RBFOX1: variants seen among roughly 807,000 people sequenced by gnomAD.
RBFOX1 encodes RNA binding protein fox-1 homolog 1.
In RBFOX1, 8 loss-of-function variants were observed where a neutral mutation model predicts 57.7. The ratio of observed to expected loss-of-function variants is 0.14; its 90% CI spans 0.08 to 0.25. RBFOX1 has a LOEUF of 0.25. Among genes scored for constraint, RBFOX1 ranks in the 10% least tolerant of loss-of-function variants. The probability of loss-of-function intolerance (pLI) is 1.00; values close to 1 mark genes in which losing one functional copy is unlikely to be tolerated. For synonymous variants in RBFOX1, 326 were observed against 222.4 expected (o/e 1.47, Z -4.15); for missense variants, 611 against 548.5 (o/e 1.11, Z -1.14).
intron 4 of RBFOX1, among the ~76,000 whole-genome samples, chr16:7,089,367 T>C (rs941690737): frequency 1.3e-5 from 2 of 152,096 alleles, no homozygotes; most frequent in African/African-American, 4.8e-5. Context: ...GTTGAAGCAA[T>C]TAAAATTTTG....
chr16:6,784,182 T>A (rs774930025), intron 3 of RBFOX1, among the ~76,000 whole-genome samples: 32 of 152,126 alleles, frequency 2.1e-4, no homozygotes, highest in Non-Finnish European at 3.8e-4. Context: ...AAGTTGTCTG[T>A]TATTTTTTTG....
At chr16:6,044,896 C>A (rs1389656403) in intron 1 of RBFOX1, among the ~76,000 whole-genome samples, 2 of 152,150 alleles carry the variant, frequency 1.3e-5, no homozygotes, top group African/African-American at 4.8e-5. Flanking sequence ...ATGAGAGTTC[C>A]CTCTGCATAC....
At chr16:6,741,001 G>A (rs926337438) in intron 3 of RBFOX1, among the ~76,000 whole-genome samples, 1 of 152,076 alleles carries the variant, frequency 6.6e-6, no homozygotes, top group East Asian at 1.9e-4. Context: ...ATCGCTATGT[G>A]GTATTTGCTT....
At chr16:5,769,375 T>C (rs530083120) in intron 3 of RBFOX1, among the ~76,000 whole-genome samples, 59 of 151,696 alleles carry the variant, frequency 3.9e-4, no homozygotes, top group African/African-American at 1.4e-3. Flanking sequence ...GTGCAGTGGC[T>C]CGCACCTATA....
chr16:7,333,195 C>A, intron 4 of RBFOX1: 3 of 1,018,948 alleles, frequency 2.9e-6, no homozygotes, highest in Admixed American at 1.9e-5. Flanking sequence ...AGGAAAAAGC[C>A]CTCGCGTAGT....
rs2152717436 is a variant in RBFOX1 at position 6,289,371 on chromosome 16, C to A, written c.-126-27624C>A. Among the ~76,000 whole-genome samples, 3 of 152,184 alleles carry A rather than the reference C, an allele frequency of 2.0e-5. 1 individual carries two copies. In the East Asian group the frequency reaches 5.8e-4, roughly 30 times the overall value. ...GATGCAAAGTATAATGCCCTTCCCT[C>A]CCAAAAGTGTACCCTTTGCAGAATC... On this transcript the variant is annotated intron_variant, in intron 1 of 15. Transcript: ENST00000550418.
rs1402419760 is a variant in RBFOX1 at position 5,856,529 on chromosome 16, A to ATGTGTG, written c.319-10773_319-10772insGTGTGT. Among the ~76,000 whole-genome samples the ATGTGTG allele has an allele frequency of 1.2e-3, 66 of 55,554 alleles. 11 individuals carry two copies. In the Middle Eastern group the frequency reaches 0.028, roughly 24 times the overall value. The allele number at this position is 55,554 out of a possible 152,430, so 36.4% of individuals were successfully genotyped here. A position where few individuals can be genotyped will look rare whatever the true frequency, so the allele number is the denominator to read the frequency against. On this transcript the variant is annotated intron_variant, in intron 3 of 19. Transcript: ENST00000641259. ...ATTTTGACCAACATCTCTCATTCAT[A>ATGTGTG]TATGTGTATGTGTGTGTGTGTGTGT...
chr16:6,622,986 G>C (rs1282536196), intron 2 of RBFOX1, among the ~76,000 whole-genome samples: 1 of 152,194 alleles, frequency 6.6e-6, no homozygotes, highest in East Asian at 1.9e-4. Flanking sequence ...GGCAATTAAA[G>C]ATTAGCTATT....
chr16:6,483,481 A>G (rs1366392046), intron 2 of RBFOX1: 3 of 1,535,528 alleles, frequency 2.0e-6, no homozygotes, highest in Non-Finnish European at 2.6e-6. Flanking sequence ...AGGAAACAGG[A>G]GGCACTTTGC....
At position 6,871,619 on chromosome 16, in the gene RBFOX1, G is replaced by C. The variant is rs148848963; in HGVS notation, c.-15-180438G>C. Among the ~76,000 whole-genome samples, 960 of 152,118 alleles carry C rather than the reference G, an allele frequency of 6.3e-3. 22 individuals are homozygous for C. The highest frequency in any genetic ancestry group is 0.022 in the African/African-American group (907 of 41,494). ...TTCTCCTTCTATTCTCCTGGCCAAA[G>C]CCACTCTTCCCTCCTGCCTGGAGTG... On this transcript the variant is annotated intron_variant, in intron 3 of 15. Coordinates refer to ENST00000550418, the MANE Select transcript of RBFOX1 (RefSeq NM_018723.4).
intron 4 of RBFOX1, among the ~76,000 whole-genome samples, chr16:7,139,493 C>T (rs752704919): frequency 6.6e-6 from 1 of 151,980 alleles, no homozygotes; most frequent in Non-Finnish European, 1.5e-5. Flanking sequence ...ACTAAATAGC[C>T]CCAGATAGTT....
chr16:7,235,161 T>A (rs906417095), intron 4 of RBFOX1, among the ~76,000 whole-genome samples: 1 of 152,232 alleles, frequency 6.6e-6, no homozygotes, highest in South Asian at 2.1e-4. Flanking sequence ...TAAACATTCA[T>A]TTGGCATCAT....
intron 4 of RBFOX1, among the ~76,000 whole-genome samples, chr16:7,082,291 A>C (rs1326925138): frequency 1.3e-5 from 2 of 152,042 alleles, no homozygotes; most frequent in Non-Finnish European, 2.9e-5. Context: ...TATTAAATGA[A>C]GGTTCCAGGC....
chr16:7,054,213 C>G lies in RBFOX1; in HGVS notation c.27+2115C>G, dbSNP rs1182793948. Among the ~76,000 whole-genome samples the G allele has an allele frequency of 2.1e-3, 37 of 17,828 alleles. 1 individual carries two copies. The highest frequency in any genetic ancestry group is 0.016 in the African/African-American group (35 of 2,170). 11.7% of individuals were successfully genotyped at this position (17,828 alleles called of 152,430 possible). A position where few individuals can be genotyped will look rare whatever the true frequency, so the allele number is the denominator to read the frequency against. ...CCCTTATTAAGGTGATTTTTTTTTT[C>G]GGGGGGGGGGGGCGGGGAGCTTTTT... On this transcript the variant is annotated intron_variant, in intron 4 of 15. Transcript: ENST00000550418.
chr16:7,420,882 A>AATAT (rs149189616), intron 4 of RBFOX1, among the ~76,000 whole-genome samples: 2 of 145,492 alleles, frequency 1.4e-5, no homozygotes, highest in African/African-American at 2.5e-5. Flanking sequence ...TATCTTTTAA[A>AATAT]ATATATATAT....
intron 2 of RBFOX1, among the ~76,000 whole-genome samples, chr16:6,535,348 G>A (rs1290406542): frequency 6.6e-6 from 1 of 152,200 alleles, no homozygotes; most frequent in Non-Finnish European, 1.5e-5. Flanking sequence ...CTCTGGGTAT[G>A]AGGTCAGTGT....
chr16:7,637,153 CCA>C (rs746345284), intron 11 of RBFOX1, among the ~76,000 whole-genome samples: 2 of 152,026 alleles, frequency 1.3e-5, no homozygotes, highest in Non-Finnish European at 2.9e-5. Context: ...AGCGCGTTTT[CCA>C]CAGTTCCATG....
intron 3 of RBFOX1, among the ~76,000 whole-genome samples, chr16:6,886,328 C>T (rs1284395825): frequency 2.0e-5 from 3 of 152,040 alleles, no homozygotes; most frequent in African/African-American, 4.8e-5. Context: ...TCCCAAAGTG[C>T]TGGGATTACT....
intron 4 of RBFOX1, among the ~76,000 whole-genome samples, chr16:7,484,397 G>T (rs556691539): frequency 6.6e-6 from 1 of 152,102 alleles, no homozygotes. Flanking sequence ...AACATTCTAG[G>T]ATACCATTAT....
Sources: allele counts gnomAD v4.1 joint callset (sites outside exome capture counted in the v4.1 genomes callset), GRCh38; gene constraint gnomAD v4.1.1; transcripts MANE v1.5; gene names NCBI Gene and HGNC (gene_info 2026-07-23, HGNC 2026-07-21).